The following CCDC66 variants were observed in gnomAD, a reference collection of about 807,000 sequenced individuals.
CCDC66 encodes coiled-coil domain containing 66, also known as coiled-coil domain-containing protein 66.
CCDC66 carries 133 observed loss-of-function variants against 128.3 expected under a neutral mutation model. The ratio of observed to expected loss-of-function variants is 1.04; its 90% CI spans 0.90 to 1.20. CCDC66 has a LOEUF of 1.20. Ranked by LOEUF, CCDC66 falls within the 50% of genes most tolerant of loss-of-function variation. CCDC66 has a pLI of 0.00. For missense variants in CCDC66, 1,126 were observed against 1,075.5 expected (o/e 1.05, Z -0.66); for synonymous variants, 387 against 357.0 (o/e 1.08, Z -0.95).
At position 56,583,843 on chromosome 3, in the gene CCDC66, A is replaced by AG. The variant is rs199970718; in HGVS notation, c.937-9126dup. Among the ~76,000 whole-genome samples the AG allele has an allele frequency of 7.9e-3, 1,201 of 151,156 alleles. 34 individuals are homozygous for AG. The highest frequency in any genetic ancestry group is 0.027 in the African/African-American group (1,104 of 41,064). ...CTCCCAGACGGGGTGGCGGCCAGGA[A>AG]GAGGGGCTCCTCACTTCCCAGAAGG... On this transcript the variant is annotated intron_variant, in intron 7 of 17. Transcript: ENST00000394672.
At chr3:56,597,483 G>A (rs1423630211) in intron 10 of CCDC66, among the ~76,000 whole-genome samples, 1 of 151,864 alleles carries the variant, frequency 6.6e-6, no homozygotes, top group African/African-American at 2.4e-5. Flanking sequence ...GATTGCCTTA[G>A]GCATAATTCT....
chr3:56,605,629 T>A (rs959984717), intron 10 of CCDC66, among the ~76,000 whole-genome samples: 1 of 152,072 alleles, frequency 6.6e-6, no homozygotes, highest in Admixed American at 6.5e-5. Flanking sequence ...TGCTGCTTGT[T>A]CCTTCCTCTG....
chr3:56,609,567 A>C (rs754312288), intron 10 of CCDC66, among the ~76,000 whole-genome samples: 8 of 152,224 alleles, frequency 5.3e-5, no homozygotes, highest in Non-Finnish European at 1.2e-4. Context: ...GGCCATTTAC[A>C]TTCAATGTTA....
intron 7 of CCDC66, among the ~76,000 whole-genome samples, chr3:56,582,238 G>T (rs945054065): frequency 3.9e-5 from 6 of 151,920 alleles, no homozygotes; most frequent in African/African-American, 1.4e-4. Flanking sequence ...ATCTCCTGAT[G>T]TGCCATTTGC....
chr3:56,600,992 A>G (rs1272940356), intron 10 of CCDC66, among the ~76,000 whole-genome samples: 1 of 151,774 alleles, frequency 6.6e-6, no homozygotes, highest in East Asian at 1.9e-4. Flanking sequence ...ATTAGATCCC[A>G]TTTGTCAATT....
chr3:56,567,199 G>A, intron 6 of CCDC66, 146 bp downstream of exon 6: 1 of 565,566 alleles, frequency 1.8e-6, no homozygotes, highest in Non-Finnish European at 3.2e-6. Flanking sequence ...AGACCATCCT[G>A]GCCAACATGG....
chr3:56,597,199 A>C (rs1022053090), intron 10 of CCDC66, among the ~76,000 whole-genome samples: 1 of 152,044 alleles, frequency 6.6e-6, no homozygotes, highest in Non-Finnish European at 1.5e-5. Flanking sequence ...GTTGAAAATC[A>C]GTTGGCTGTA....
Position 56,616,079 on chromosome 3 carries a change from G to A in CCDC66, c.1843+26G>A, listed in dbSNP as rs1055898720. The stretch of plus-strand genomic sequence containing the variant: ...GTATTTGTGTGGAAATTGTGGTTTG[G>A]TTTAAAATTTACTTAAAGTCATAAT... On this transcript the variant is annotated intron_variant, in intron 13 of 17. Coordinates refer to ENST00000394672, the MANE Select transcript of CCDC66 (RefSeq NM_001141947.3). 4.5e-6 allele frequency: 7 copies of A among 1,558,156 alleles called. No individual in the cohort carries two copies. In the Admixed American group the frequency reaches 1.2e-4, roughly 27 times the overall value.
chr3:56,575,496 A>G (rs1215501141), intron 7 of CCDC66, among the ~76,000 whole-genome samples: 2 of 151,820 alleles, frequency 1.3e-5, no homozygotes, highest in East Asian at 3.9e-4. Context: ...ATCCCTTGTC[A>G]GATACATGAT....
intron 7 of CCDC66, among the ~76,000 whole-genome samples, chr3:56,583,390 CAGCAG>C (rs1473550611): frequency 1.3e-5 from 2 of 151,806 alleles, no homozygotes; most frequent in Non-Finnish European, 2.9e-5. Context: ...GAGGGAAGGT[CAGCAG>C]ATAAACAAGT....
chr3:56,619,473 G>A lies in CCDC66; in HGVS notation c.2581G>A (p.Asp861Asn), dbSNP rs555478261. The change falls in exon 16 of 18, where the codon GAT becomes AAT. Residue 861 changes from aspartate (D) to asparagine (N), a missense_variant. Physicochemically the swap from Asp to Asn is conservative, Grantham distance 23. Coordinates refer to ENST00000394672, the MANE Select transcript of CCDC66 (RefSeq NM_001141947.3). ...AAATGAGATCTATTACCTTGATCCC[G>A]ATGCACCATTGTCTGGGCCTTCAAC... ...RTNEIYYLDP[D>N]APLSGPSTQD... is the part of the protein sequence containing the mutation. 2.2e-5 allele frequency: 36 copies of A among 1,613,922 alleles called. No homozygotes were observed. The highest frequency in any genetic ancestry group is 2.9e-5 in the Non-Finnish European group (34 of 1,179,946).
Position 56,582,197 on chromosome 3 carries a change from G to A in CCDC66, c.937-10773G>A, listed in dbSNP as rs554841928. 2.5e-3 allele frequency among the ~76,000 whole-genome samples: 385 copies of A among 151,922 alleles called. 2 individuals are homozygous for A. Among genetic ancestry groups the A allele is most frequent in the Admixed American group, 3.8e-3 (57 of 15,136 alleles). On this transcript the variant is annotated intron_variant, in intron 7 of 17. Transcript: ENST00000394672. ...TAGCAGTGAGCGAGGCTCCGTGGGC[G>A]TGGGACCCTCCAAGCCAGGTGCAGG... is the stretch of plus-strand genomic sequence containing the variant.
rs1390759675 is a variant in CCDC66 at position 56,558,897 on chromosome 3, A to G, written c.63A>G (p.Ile21Met). 3.9e-6 allele frequency: 6 copies of G among 1,546,830 alleles called. No homozygotes were observed. The highest frequency in any genetic ancestry group is 2.5e-5 in the East Asian group (1 of 40,738). ...TELLDGKTKL[I>M]LSPYEHKSKI... ...TACTGGATGGAAAAACCAAGCTAAT[A>G]TTGTCTCCATATGGTATGTTGTGTT... The change falls in exon 2 of 18, where the codon ATA becomes ATG. Residue 21 changes from isoleucine to methionine, a missense_variant. By Grantham distance (10) the Ile-to-Met change is conservative (BLOSUM62 1). Coordinates refer to ENST00000394672, the MANE Select transcript of CCDC66 (RefSeq NM_001141947.3).
At chr3:56,581,187 C>G (rs2068303953) in intron 7 of CCDC66, among the ~76,000 whole-genome samples, 1 of 151,876 alleles carries the variant, frequency 6.6e-6, no homozygotes, top group African/African-American at 2.4e-5. Flanking sequence ...CTTTCTTCCA[C>G]TTGATCAAAT....
chr3:56,605,022 T>A (rs2073864976), intron 10 of CCDC66, among the ~76,000 whole-genome samples: 1 of 152,058 alleles, frequency 6.6e-6, no homozygotes, highest in South Asian at 2.1e-4. Context: ...ATTAAGTTGA[T>A]CTTCAATCAC....
At chr3:56,575,648 A>G (rs1025258539) in intron 7 of CCDC66, among the ~76,000 whole-genome samples, 1 of 151,880 alleles carries the variant, frequency 6.6e-6, no homozygotes, top group Non-Finnish European at 1.5e-5. Context: ...TGTCCTATCA[A>G]AGAAATCATT....
chr3:56,559,490 TATTA>T lies in CCDC66; in HGVS notation c.77-74_77-71del, dbSNP rs2064817942. On this transcript the variant is annotated intron_variant, in intron 2 of 17. Transcript: ENST00000394672. ...TTGCTAGCTTAAAATCTTATAACAA[TATTA>T]ATTACAGTTTTCTTGCATTACCACC... The T allele has an allele frequency of 6.7e-6, 6 of 898,992 alleles. No individual in the cohort carries two copies. The East Asian group carries it at 1.7e-4, about 26-fold the overall frequency. The allele number at this position is 898,992 out of a possible 1,614,324, so 55.7% of individuals were successfully genotyped here.
chr3:56,577,312 C>T (rs57861120), intron 7 of CCDC66, among the ~76,000 whole-genome samples: 7,550 of 151,570 alleles, frequency 0.05, 249 homozygotes, highest in East Asian at 0.098. Context: ...TTTATAGATT[C>T]TGGATATTAG....
At chr3:56,589,837 T>C (rs879489292) in intron 7 of CCDC66, among the ~76,000 whole-genome samples, 6 of 152,166 alleles carry the variant, frequency 3.9e-5, no homozygotes, top group Non-Finnish European at 7.4e-5. Context: ...ATTTTTTTAA[T>C]TGGCAGAATT....
Sources: allele counts gnomAD v4.1 joint callset (sites outside exome capture counted in the v4.1 genomes callset), GRCh38; gene constraint gnomAD v4.1.1; transcripts MANE v1.5; gene names NCBI Gene and HGNC (gene_info 2026-07-23, HGNC 2026-07-21).